The following TXK variants were observed in gnomAD, a reference collection of about 807,000 sequenced individuals.
TXK encodes the protein tyrosine-protein kinase TXK.
Under a neutral mutation model 81.0 loss-of-function variants are expected in TXK, and 60 were observed. The ratio of observed to expected loss-of-function variants is 0.74; its 90% CI spans 0.60 to 0.92. The LOEUF (loss-of-function observed/expected upper bound fraction) is 0.92. TXK is among the 40% of genes least tolerant of loss of function. The pLI, the probability that TXK is intolerant of heterozygous loss-of-function variation, is 0.00. For synonymous variants in TXK, 203 were observed against 210.7 expected, an observed-to-expected ratio of 0.96 and a Z score of 0.32; for missense variants, 581 against 638.3, an observed-to-expected ratio of 0.91 and a Z score of 0.97.
chr4:48,130,257 G>A (rs1462742535), intron 1 of TXK, among the ~76,000 whole-genome samples: 1 of 152,142 alleles, frequency 6.6e-6, no homozygotes, highest in Non-Finnish European at 1.5e-5. Flanking sequence ...AAATTATTCT[G>A]AGACCAAATG....
chr4:48,071,057 G>T (rs552911044), intron 14 of TXK, among the ~76,000 whole-genome samples: 92 of 151,356 alleles, frequency 6.1e-4, no homozygotes, highest in African/African-American at 2.1e-3. Flanking sequence ...GCACCACCAC[G>T]CCCGGCTAAT....
At chr4:48,110,466 A>G (rs187477146) in intron 5 of TXK, 72 bp downstream of exon 5, 2 of 1,123,080 alleles carry the variant, frequency 1.8e-6, no homozygotes, top group African/African-American at 3.1e-5. Flanking sequence ...TACAGACCCA[A>G]AACAGTATCT....
chr4:48,122,703 G>GTGAA (rs547653659), intron 1 of TXK, among the ~76,000 whole-genome samples: 45 of 152,296 alleles, frequency 3.0e-4, no homozygotes, highest in Middle Eastern at 6.8e-3. Flanking sequence ...TATTTGTTCA[G>GTGAA]TGAATGAATG....
intron 4 of TXK, 93 bp from the exon 5 acceptor site, chr4:48,110,696 G>T: frequency 1.1e-6 from 1 of 901,388 alleles, no homozygotes; most frequent in Non-Finnish European, 1.7e-6. Context: ...GGATGTAGGG[G>T]GGAAATCAAA....
chr4:48,113,112 T>TAA lies in TXK; in HGVS notation c.174+94_174+95insTT. On this transcript the variant is annotated intron_variant, in intron 3 of 14. Transcript: ENST00000264316. ...AGCACTTATTTTATGCCAAGCAGGA[T>TAA]ACTAGATTCTGGGCAACAAACAGCA... The TAA allele has an allele frequency of 5.2e-6, 4 of 775,274 alleles. No homozygotes were observed. In the South Asian group the frequency reaches 5.6e-5, roughly 11 times the overall value. The allele number at this position is 775,274 out of a possible 1,614,324, so 48.0% of individuals were successfully genotyped here.
chr4:48,101,617 G>GA (rs1718199391), intron 6 of TXK, among the ~76,000 whole-genome samples: 1 of 151,562 alleles, frequency 6.6e-6, no homozygotes, highest in African/African-American at 2.4e-5. Flanking sequence ...ATATAAATTA[G>GA]AAAAACATTT....
intron 5 of TXK, among the ~76,000 whole-genome samples, chr4:48,105,717 T>C (rs1180862367): frequency 1.3e-5 from 2 of 152,104 alleles, no homozygotes; most frequent in African/African-American, 4.8e-5. Context: ...ACAGAATACA[T>C]GGAACAACCA....
At chr4:48,071,300 G>A (rs1054854642) in intron 14 of TXK, among the ~76,000 whole-genome samples, 6 of 152,130 alleles carry the variant, frequency 3.9e-5, no homozygotes, top group Admixed American at 3.9e-4. Flanking sequence ...CTCAGAAAAT[G>A]CACTGAATTC....
chr4:48,081,408 A>G lies in TXK; in HGVS notation c.957-1280T>C, dbSNP rs146134072. 2.8e-3 allele frequency among the ~76,000 whole-genome samples: 428 copies of G among 152,304 alleles called. 4 individuals are homozygous for G. Among genetic ancestry groups the G allele is most frequent in the African/African-American group, 9.9e-3 (413 of 41,564 alleles). On this transcript the variant is annotated intron_variant, in intron 10 of 14. Transcript: ENST00000264316. ...TGATTCAGTCTAACAAATATGACAAATATTTCTCACAAGCATAGAAAGATG... is the reference window on the plus strand; with the variant it reads ...TGATTCAGTCTAACAAATATGACAAGTATTTCTCACAAGCATAGAAAGATG...
In TXK at chr4:48,071,583, G is replaced by A. The variant is rs1320678992; in HGVS notation, c.1449C>T (p.Phe483=). The A allele has an allele frequency of 2.3e-5, 37 of 1,614,178 alleles. No individual in the cohort carries two copies. The highest frequency in any genetic ancestry group is 3.1e-5 in the Non-Finnish European group (36 of 1,180,024). The change falls in exon 14 of 15, where the codon TTC becomes TTT. Residue 483 remains phenylalanine, a synonymous_variant. Coordinates refer to ENST00000264316, the MANE Select transcript of TXK (RefSeq NM_003328.3). ...GTGCCAGGTGAGGGCGATATAGCCT[G>A]AAGCCTTCAGAAATAGCTTCCACGA... The part of the protein sequence containing the change: ...LQVVEAISEG[F]RLYRPHLAPM...
chr4:48,115,390 T>C (rs1718774613), intron 1 of TXK, among the ~76,000 whole-genome samples: 1 of 152,156 alleles, frequency 6.6e-6, no homozygotes, highest in African/African-American at 2.4e-5. Context: ...TCATTCGTTT[T>C]TATGGCTGCA....
intron 1 of TXK, among the ~76,000 whole-genome samples, chr4:48,127,511 T>C (rs537724080): frequency 6.6e-6 from 1 of 152,228 alleles, no homozygotes; most frequent in Non-Finnish European, 1.5e-5. Flanking sequence ...CAGGAACTCA[T>C]GCATATCAAG....
chr4:48,074,903 A>G (rs1717006238), intron 12 of TXK, among the ~76,000 whole-genome samples: 1 of 152,210 alleles, frequency 6.6e-6, no homozygotes, highest in African/African-American at 2.4e-5. Context: ...CACTGTTTAT[A>G]GATTTTGAAT....
chr4:48,112,420 T>C lies in TXK; in HGVS notation c.267A>G (p.Ala89=), dbSNP rs781561244. The C allele has an allele frequency of 6.2e-6, 10 of 1,614,064 alleles. No homozygotes were observed. The Admixed American group carries it at 8.3e-5, about 13-fold the overall frequency. Residue 89 remains alanine (A), a synonymous_variant, in exon 4 of 15, where the codon GCA becomes GCG. Coordinates refer to ENST00000264316, the MANE Select transcript of TXK (RefSeq NM_003328.3). Reference sequence around the variant, plus strand: ...GTTCTCTGGGCAGAAAATCATAAAGTGCCTTGACTTGGATCTTCTCTTCAG... The same window carrying C: ...GTTCTCTGGGCAGAAAATCATAAAGCGCCTTGACTTGGATCTTCTCTTCAG... ...EVAEEKIQVK[A]LYDFLPREPC...
Position 48,112,372 on chromosome 4 carries a change from T to C in TXK, c.315A>G (p.Arg105=), listed in dbSNP as rs1718659758. ...PREPCNLALR[R]AEEYLILEKY... ...TCTCCAGTATCAGGTATTCTTCTGC[T>C]CTCCTTAAGGCTAAATTACAGGGTT... The change falls in exon 4 of 15, where the codon AGA becomes AGG. Residue 105 remains arginine (R), a synonymous_variant. Coordinates refer to ENST00000264316, the MANE Select transcript of TXK (RefSeq NM_003328.3). 1.2e-6 allele frequency: 2 copies of C among 1,614,150 alleles called. No individual in the cohort carries two copies. Among genetic ancestry groups the C allele is most frequent in the East Asian group, 2.2e-5 (1 of 44,880 alleles).
intron 13 of TXK, among the ~76,000 whole-genome samples, chr4:48,073,560 A>G (rs1716947376): frequency 6.6e-6 from 1 of 152,216 alleles, no homozygotes; most frequent in Non-Finnish European, 1.5e-5. Flanking sequence ...AAAATAGTCA[A>G]CCTGCTTCAC....
At position 48,073,999 on chromosome 4, in the gene TXK, C is replaced by G; in HGVS notation, c.1293G>C (p.Lys431Asn). The G allele has an allele frequency of 6.2e-7, 1 of 1,614,010 alleles. No individual in the cohort carries two copies. The highest frequency in any genetic ancestry group is 8.5e-7 in the Non-Finnish European group (1 of 1,179,936). The change falls in exon 13 of 15, where the codon AAG (lysine) becomes AAC (asparagine). Residue 431 changes from lysine to asparagine, a missense_variant. Lys to Asn is a moderately conservative substitution (Grantham distance 94). Transcript: ENST00000264316. ...VSSFGAKFPI[K>N]WSPPEVFLFN... The stretch of plus-strand genomic sequence containing the variant: ...AAAGAAAAACTTCAGGAGGGGACCA[C>G]TTGATTGGGAACTTGGCTCCAAAAG...
chr4:48,098,727 C>T (rs554141340), intron 6 of TXK, among the ~76,000 whole-genome samples: 2 of 152,032 alleles, frequency 1.3e-5, no homozygotes, highest in Non-Finnish European at 2.9e-5. Context: ...TTTGGGAGAC[C>T]GAGGCAGGCA....
At chr4:48,107,436 T>C (rs935595627) in intron 5 of TXK, among the ~76,000 whole-genome samples, 1 of 151,372 alleles carries the variant, frequency 6.6e-6, no homozygotes, top group African/African-American at 2.4e-5. Flanking sequence ...CTCAAGTCAC[T>C]TCCTCAGAGC....
Sources: gnomAD v4.1 joint callset for allele counts (sites outside exome capture counted in the v4.1 genomes callset) on GRCh38, gnomAD v4.1.1 for gene constraint, MANE v1.5 for transcripts, NCBI Gene and HGNC (gene_info 2026-07-23, HGNC 2026-07-21) for gene names.